The following DIS3L variants were observed in gnomAD, a reference collection of about 807,000 sequenced individuals.
The protein encoded by DIS3L is DIS3 like exosome 3'-5' exoribonuclease, also known as DIS3-like exonuclease 1.
DIS3L carries 100 observed loss-of-function variants against 120.3 expected under a neutral mutation model. The observed-to-expected ratio is 0.83, with a 90% CI of 0.71 to 0.98. The LOEUF (loss-of-function observed/expected upper bound fraction) is 0.98. Among genes scored for constraint, DIS3L ranks in the 50% least tolerant of loss-of-function variants. DIS3L has a pLI of 0.00. For synonymous variants in DIS3L, 426 were observed against 470.6 expected (o/e 0.91, Z 1.23); for missense variants, 1,196 against 1,314.2 (o/e 0.91, Z 1.39).
chr15:66,332,604 T>C, intron 15 of DIS3L, 132 bp from the exon 16 acceptor site: 1 of 864,992 alleles, frequency 1.2e-6, no homozygotes, highest in Non-Finnish European at 1.7e-6. Flanking sequence ...GTGAAATAAA[T>C]ACGTGGAGGT....
chr15:66,319,713 G>A (rs562862103), intron 8 of DIS3L, among the ~76,000 whole-genome samples: 4 of 152,256 alleles, frequency 2.6e-5, no homozygotes, highest in Non-Finnish European at 5.9e-5. Flanking sequence ...GGCTCTCCAG[G>A]CCAGTTGCAC....
Position 66,332,879 on chromosome 15 carries a change from C to T in DIS3L, c.2825C>T (p.Ser942Phe). ...ACCTCTACTACAACAGATGGGGAAT[C>T]TGTTACGTTCCATTTGTTTGACCAT... ...KITSTTTDGE[S>F]VTFHLFDHVT... The change falls in exon 16 of 17, where the codon TCT becomes TTT. Residue 942 changes from serine (S) to phenylalanine (F), a missense_variant. By Grantham distance (155) the Ser-to-Phe change is radical. Transcript: ENST00000319212. The T allele has an allele frequency of 1.2e-6, 2 of 1,612,698 alleles. No individual in the cohort carries two copies. The highest frequency in any genetic ancestry group is 1.1e-5 in the South Asian group (1 of 90,704).
chr15:66,294,478 C>G (rs1361844492), intron 1 of DIS3L: 7 of 986,248 alleles, frequency 7.1e-6, no homozygotes, highest in African/African-American at 1.7e-5. Context: ...CTTGGCTAAC[C>G]AGCTCTCAGA....
chr15:66,313,887 G>GTA (rs147699160), intron 5 of DIS3L, 152 bp from the exon 6 acceptor site: 11,541 of 420,494 alleles, frequency 0.027, 323 homozygotes, highest in African/African-American at 0.11. Context: ...ATATGTGTGT[G>GTA]TATATATATA....
intron 5 of DIS3L, among the ~76,000 whole-genome samples, chr15:66,313,316 G>T (rs2092781536): frequency 6.6e-6 from 1 of 152,198 alleles, no homozygotes; most frequent in Non-Finnish European, 1.5e-5. Context: ...TTTTGAGATA[G>T]AAGATTTTTA....
intron 12 of DIS3L, 52 bp from the exon 13 acceptor site, chr15:66,328,918 T>C: frequency 6.4e-7 from 1 of 1,571,386 alleles, no homozygotes; most frequent in Non-Finnish European, 8.6e-7. Flanking sequence ...CAAAGTGTTG[T>C]CTTGTAAATT....
Position 66,325,882 on chromosome 15 carries a change from G to C in DIS3L, c.1719G>C (p.Lys573Asn), listed in dbSNP as rs748017042. 1.3e-5 allele frequency: 21 copies of C among 1,613,518 alleles called. No individual in the cohort carries two copies. The highest frequency in any genetic ancestry group is 1.8e-5 in the Non-Finnish European group (21 of 1,179,422). The change falls in exon 12 of 17, where the codon AAG becomes AAC. Residue 573 changes from lysine to asparagine, a missense_variant. Coordinates refer to ENST00000319212, the MANE Select transcript of DIS3L (RefSeq NM_001143688.3). ...WELDKASYEIKKVWYGRTIIR... is the reference protein window; with the variant it reads ...WELDKASYEINKVWYGRTIIR... The stretch of plus-strand genomic sequence containing the variant: ...TGGATAAAGCCTCTTATGAAATTAA[G>C]AAAGTGTGGTATGGCAGAACCATTA...
intron 6 of DIS3L, 40 bp downstream of exon 6, chr15:66,314,157 T>A: frequency 7.2e-7 from 1 of 1,394,446 alleles, no homozygotes; most frequent in Non-Finnish European, 9.4e-7. Context: ...TACTCCTTTT[T>A]TATTCTGACG....
rs112172714 is a variant in DIS3L at position 66,329,990 on chromosome 15, C to T, written c.2535+591C>T. 2.2e-4 allele frequency: 219 copies of T among 985,022 alleles called. 4 individuals carry two copies. The African/African-American group carries it at 3.1e-3, about 14-fold the overall frequency. The allele number at this position is 985,022 out of a possible 1,614,324, so 61.0% of individuals were successfully genotyped here. On this transcript the variant is annotated intron_variant, in intron 14 of 16. Transcript: ENST00000319212. ...AGAGCTAACAATTAATGATTCTAGA[C>T]ACTGCTAACATTTTTATTTATAAAA...
Position 66,333,405 on chromosome 15 carries a change from G to C in DIS3L, c.*93G>C, listed in dbSNP as rs373597475. ...ATGTGTGTCACTCAGTGCTCTAGTC[G>C]ATCAGGACTGGGTAGCTATTTCGCA... On this transcript the variant is annotated 3_prime_UTR_variant, in exon 17 of 17. Transcript: ENST00000319212. The C allele has an allele frequency of 3.8e-6, 5 of 1,330,758 alleles. No homozygotes were observed. In the African/African-American group the frequency reaches 4.4e-5, roughly 12 times the overall value. The allele number at this position is 1,330,758 out of a possible 1,614,324, so 82.4% of individuals were successfully genotyped here.
chr15:66,324,164 A>G (rs543025005), intron 11 of DIS3L, among the ~76,000 whole-genome samples: 14 of 152,284 alleles, frequency 9.2e-5, no homozygotes, highest in Admixed American at 2.6e-4. Context: ...TGCATTTTAT[A>G]TATATATACT....
chr15:66,329,180 A>G lies in DIS3L; in HGVS notation c.2357-41A>G, dbSNP rs73486061. ...GTAACTTTGCGCTAGTTATTTTAAA[A>G]TAGTTTTTGTTTATTTTGATCTTTT... On this transcript the variant is annotated intron_variant, in intron 13 of 16. Coordinates refer to ENST00000319212, the MANE Select transcript of DIS3L (RefSeq NM_001143688.3). The G allele has an allele frequency of 1.2e-3, 1,899 of 1,587,452 alleles. 20 individuals are homozygous for G. In the African/African-American group the frequency reaches 0.023, roughly 19 times the overall value.
At chr15:66,304,015 G>A (rs1274881341) in intron 2 of DIS3L, among the ~76,000 whole-genome samples, 2 of 146,464 alleles carry the variant, frequency 1.4e-5, no homozygotes, top group Non-Finnish European at 3.0e-5. Context: ...GCGTGAACCC[G>A]GGAGGTGGAG....
intron 7 of DIS3L, 118 bp downstream of exon 7, chr15:66,315,333 C>T (rs557264654): frequency 2.6e-5 from 26 of 982,286 alleles, no homozygotes; most frequent in Middle Eastern, 3.5e-4. Flanking sequence ...TTTAAATTGA[C>T]AAAAACTGTA....
At position 66,314,088 on chromosome 15, in the gene DIS3L, G is replaced by A. The variant is rs372960179; in HGVS notation, c.785G>A (p.Arg262Gln). 33 of 1,527,248 alleles carry A rather than the reference G, an allele frequency of 2.2e-5. No individual in the cohort carries two copies. Among genetic ancestry groups the A allele is most frequent in the East Asian group, 1.7e-4 (7 of 41,658 alleles). The allele number at this position is 1,527,248 out of a possible 1,614,324, so 94.6% of individuals were successfully genotyped here. ...KHRAQIEAFV[R>Q]LQGASSKDSD... The stretch of plus-strand genomic sequence containing the variant: ...AGAGCCCAAATAGAAGCTTTTGTTC[G>A]ACTTCAAGGAGCCAGCAGTAAAGAT... The change falls in exon 6 of 17, where the codon CGA becomes CAA. Residue 262 changes from arginine (R) to glutamine (Q), a missense_variant. Arg to Gln is a conservative substitution (Grantham distance 43). Transcript: ENST00000319212.
In DIS3L at chr15:66,333,266, T is replaced by G. The variant is rs149424629; in HGVS notation, c.3119T>G (p.Ile1040Arg). 5.6e-5 allele frequency: 91 copies of G among 1,612,208 alleles called. No homozygotes were observed. Among genetic ancestry groups the G allele is most frequent in the Non-Finnish European group, 7.1e-5 (84 of 1,179,590 alleles). Residue 1040 changes from isoleucine to arginine, a missense_variant, in exon 17 of 17, where the codon ATA becomes AGA. Physicochemically the swap from Ile to Arg is moderately conservative, Grantham distance 97 (BLOSUM62 -3). Transcript: ENST00000319212. ...GRSLYTLLEE[I>R]RDLALLDVSN... is the part of the protein sequence containing the mutation. ...AGCCTATACACACTTCTAGAGGAGA[T>G]ACGGGACCTAGCTCTCCTGGATGTT...
intron 14 of DIS3L, chr15:66,330,558 G>T: frequency 2.0e-6 from 2 of 983,158 alleles, no homozygotes; most frequent in Non-Finnish European, 2.4e-6. Context: ...CACTAGCCAT[G>T]TGGACTACCT....
In DIS3L at chr15:66,323,432, C is replaced by T; in HGVS notation, c.1575-61C>T. On this transcript the variant is annotated intron_variant, in intron 10 of 16. Coordinates refer to ENST00000319212, the MANE Select transcript of DIS3L (RefSeq NM_001143688.3). ...GCCATTTACCTCCCTGCGGCCCACA[C>T]AGTCAGCAGTTCTGCTTCTCCCTGC... 2.6e-6 allele frequency: 4 copies of T among 1,556,954 alleles called. No homozygotes were observed. The South Asian group carries it at 4.5e-5, about 17-fold the overall frequency.
chr15:66,312,009 C>A, intron 5 of DIS3L, 109 bp downstream of exon 5: 1 of 1,274,596 alleles, frequency 7.8e-7, no homozygotes, highest in South Asian at 1.4e-5. Context: ...GAGCTGGAGA[C>A]CAGACTGGGC....
Sources: allele counts gnomAD v4.1 joint callset (sites outside exome capture counted in the v4.1 genomes callset), GRCh38; gene constraint gnomAD v4.1.1; transcripts MANE v1.5; gene names NCBI Gene and HGNC (gene_info 2026-07-23, HGNC 2026-07-21).